Variants in NIPBL observed in about 807,000 individuals in gnomAD.
The protein encoded by NIPBL is nipped-B-like protein.
NIPBL carries 19 observed loss-of-function variants against 321.8 expected under a neutral mutation model. The ratio of observed to expected loss-of-function variants is 0.06; its 90% CI spans 0.04 to 0.09. The LOEUF is 0.09. NIPBL is among the 10% of genes least tolerant of loss of function. NIPBL has a pLI of 1.00. For missense variants in NIPBL, 2,210 were observed against 3,327.0 expected, an observed-to-expected ratio of 0.66 and a Z score of 8.26; for synonymous variants, 1,106 against 1,114.1, an observed-to-expected ratio of 0.99 and a Z score of 0.14.
intron 1 of NIPBL, among the ~76,000 whole-genome samples, chr5:36,887,511 C>T (rs1352683050): frequency 6.6e-6 from 1 of 152,182 alleles, no homozygotes; most frequent in African/African-American, 2.4e-5. Flanking sequence ...TCGACCACCT[C>T]TCCCCCGACC....
chr5:36,927,032 C>T (rs1044076987), intron 1 of NIPBL, among the ~76,000 whole-genome samples: 7 of 152,080 alleles, frequency 4.6e-5, no homozygotes, highest in Admixed American at 2.6e-4. Flanking sequence ...GTTTTGTTGA[C>T]GTTAGAACTA....
chr5:37,055,655 A>G (rs1216621950), intron 42 of NIPBL, among the ~76,000 whole-genome samples: 1 of 152,036 alleles, frequency 6.6e-6, no homozygotes, highest in East Asian at 1.9e-4. Context: ...GAAGTGAAAA[A>G]TAGAGTAGAA....
intron 36 of NIPBL, 81 bp downstream of exon 36, chr5:37,044,810 G>GATATA: frequency 1.0e-6 from 1 of 967,506 alleles, no homozygotes. Flanking sequence ...TTTGATAAAA[G>GATATA]GCTAGACTCG....
Position 36,958,135 on chromosome 5 carries a change from C to G in NIPBL, c.262C>G (p.Pro88Ala). 2 of 1,613,938 alleles carry G rather than the reference C, an allele frequency of 1.2e-6. No homozygotes were observed. The highest frequency in any genetic ancestry group is 8.5e-7 in the Non-Finnish European group (1 of 1,179,904). Reference protein sequence around the residue: ...ELKDNLGSDDPEGDIPVLLQA... With the variant: ...ELKDNLGSDDAEGDIPVLLQA... ...GAAAGATAACCTTGGCAGTGATGACCCAGAAGGTGACATACCAGTCTTGTT... is the reference window on the plus strand; with the variant it reads ...GAAAGATAACCTTGGCAGTGATGACGCAGAAGGTGACATACCAGTCTTGTT... Residue 88 changes from proline to alanine, a missense_variant, in exon 4 of 47, where the codon CCA becomes GCA. By Grantham distance (27) the Pro-to-Ala change is conservative. This residue lies in a region of NIPBL where 464 missense variants were observed against 529.5 expected (regional missense o/e 0.88). Transcript: ENST00000282516.
At chr5:36,995,435 A>G (rs1230639779) in intron 10 of NIPBL, 187 bp from the exon 11 acceptor site, 1 of 538,428 alleles carries the variant, frequency 1.9e-6, no homozygotes, top group African/African-American at 1.9e-5. Flanking sequence ...ATATGTATAT[A>G]TGTACACATA....
chr5:36,903,446 T>C (rs1334290699), intron 1 of NIPBL, among the ~76,000 whole-genome samples: 1 of 152,150 alleles, frequency 6.6e-6, no homozygotes. Context: ...CTTTTTAAAC[T>C]TTAATATATT....
In NIPBL at chr5:36,885,967, A is replaced by G. The variant is rs1745872460; in HGVS notation, c.-80+8789A>G. The G allele has an allele frequency of 1.2e-5, 9 of 730,756 alleles. No homozygotes were observed. The South Asian group carries it at 1.2e-4, about 10-fold the overall frequency. 45.3% of individuals were successfully genotyped at this position (730,756 alleles called of 1,614,324 possible). On this transcript the variant is annotated intron_variant, in intron 1 of 46. Transcript: ENST00000282516. ...AGATCATGGCAGACATACAGGCCCA[A>G]TACGACGAGCTAGCTCAGAAGAACC... is the stretch of plus-strand genomic sequence containing the variant.
At chr5:36,898,254 A>C (rs538415628) in intron 1 of NIPBL, among the ~76,000 whole-genome samples, 1 of 152,312 alleles carries the variant, frequency 6.6e-6, no homozygotes, top group East Asian at 1.9e-4. Flanking sequence ...ATCCTCTATT[A>C]TCATTAATAT....
rs780026320 is a variant in NIPBL, at chr5:36,962,195, A to G, written c.531A>G (p.Pro177=). 16 of 1,614,036 alleles carry G rather than the reference A, an allele frequency of 9.9e-6. No individual in the cohort carries two copies. Among genetic ancestry groups the G allele is most frequent in the South Asian group, 2.2e-5 (2 of 91,090 alleles). ...AGCAAAATAGCCCAGTGCCTAGTCC[A>G]TACGCCCCACAAAGCCCTGCAGGAT... ...MPQQNSPVPS[P]YAPQSPAGYM... Residue 177 remains proline, a synonymous_variant, in exon 6 of 47, where the codon CCA becomes CCG. Transcript: ENST00000282516.
Position 37,013,192 on chromosome 5 carries a change from G to A in NIPBL, c.4561-1491G>A, listed in dbSNP as rs1373452431. On this transcript the variant is annotated intron_variant, in intron 21 of 46. Transcript: ENST00000282516. Reference sequence around the variant, plus strand: ...GGGCTGACCCCCCCACCTCCCTCCCGGACGGGGCGGCTGGCCGGGCAGAGG... The same window carrying A: ...GGGCTGACCCCCCCACCTCCCTCCCAGACGGGGCGGCTGGCCGGGCAGAGG... Among the ~76,000 whole-genome samples, 10 of 150,856 alleles carry A rather than the reference G, an allele frequency of 6.6e-5. No individual in the cohort carries two copies. The South Asian group carries it at 8.4e-4, about 13-fold the overall frequency.
In NIPBL at chr5:36,961,678, T is replaced by G. The variant is rs1361516584; in HGVS notation, c.458+95T>G. 3.4e-6 allele frequency: 3 copies of G among 882,036 alleles called. No homozygotes were observed. In the African/African-American group the frequency reaches 5.0e-5, roughly 15 times the overall value. 54.6% of individuals were successfully genotyped at this position (882,036 alleles called of 1,614,324 possible). On this transcript the variant is annotated intron_variant, in intron 5 of 46. Transcript: ENST00000282516. Reference sequence around the variant, plus strand: ...ATACATTTAGGTAATGGTGGATTATTTAGAGTTTAAATAGTTGAAATACTT... The same window carrying G: ...ATACATTTAGGTAATGGTGGATTATGTAGAGTTTAAATAGTTGAAATACTT...
At position 36,985,595 on chromosome 5, in the gene NIPBL, T is replaced by C. The variant is rs1258895789; in HGVS notation, c.2415T>C (p.Pro805=). The C allele has an allele frequency of 6.2e-7, 1 of 1,613,930 alleles. No individual in the cohort carries two copies. The highest frequency in any genetic ancestry group is 1.7e-5 in the Admixed American group (1 of 59,912). ...SERAEALKQR[P]DGRSVSESLR... ...GAGCTGAAGCCTTAAAGCAGAGACCTGATGGGCGATCTGTTTCTGAGTCAC... is the reference window on the plus strand; with the variant it reads ...GAGCTGAAGCCTTAAAGCAGAGACCCGATGGGCGATCTGTTTCTGAGTCAC... The change falls in exon 10 of 47, where the codon CCT becomes CCC. Residue 805 remains proline, a synonymous_variant. Transcript: ENST00000282516.
intron 3 of NIPBL, among the ~76,000 whole-genome samples, chr5:36,956,299 A>G (rs1037452517): frequency 6.6e-6 from 1 of 152,150 alleles, no homozygotes; most frequent in African/African-American, 2.4e-5. Flanking sequence ...AAATGTGTAA[A>G]AAGTAAAATC....
chr5:36,954,495 C>T (rs1005211753), intron 2 of NIPBL, among the ~76,000 whole-genome samples: 1 of 152,126 alleles, frequency 6.6e-6, no homozygotes, highest in Non-Finnish European at 1.5e-5. Flanking sequence ...ATTGGGTCAG[C>T]ATTACTCAGG....
rs1329901658 is a variant in NIPBL, at chr5:37,033,558, A to AT, written c.5863-2819dup. 7.6e-5 allele frequency among the ~76,000 whole-genome samples: 7 copies of AT among 92,004 alleles called. 1 individual carries two copies. Among genetic ancestry groups the AT allele is most frequent in the African/African-American group, 5.4e-4 (6 of 11,188 alleles). 60.4% of individuals were successfully genotyped at this position (92,004 alleles called of 152,430 possible). ...TTGGGATATTTGACTGTCCATAAGA[A>AT]TTAAAAAAAAAAGATTCCTACTTCA... On this transcript the variant is annotated intron_variant, in intron 32 of 46. Transcript: ENST00000282516.
chr5:37,002,270 TATAA>T (rs1382843577), intron 14 of NIPBL, among the ~76,000 whole-genome samples: 1 of 152,070 alleles, frequency 6.6e-6, no homozygotes, highest in East Asian at 1.9e-4. Flanking sequence ...GAGTAAGAGA[TATAA>T]ATACTTTGAC....
chr5:36,882,941 A>G (rs1186750116), intron 1 of NIPBL, among the ~76,000 whole-genome samples: 3 of 151,716 alleles, frequency 2.0e-5, no homozygotes, highest in Admixed American at 6.6e-5. Context: ...AAATGTTTGT[A>G]TATTCAAATA....
chr5:36,908,819 C>G (rs1419088224), intron 1 of NIPBL, among the ~76,000 whole-genome samples: 1 of 152,132 alleles, frequency 6.6e-6, no homozygotes, highest in African/African-American at 2.4e-5. Context: ...CAGAAGTAAT[C>G]GGTCAGGTGC....
chr5:37,054,446 T>C (rs1753892395), intron 42 of NIPBL, among the ~76,000 whole-genome samples: 1 of 152,200 alleles, frequency 6.6e-6, no homozygotes, highest in Non-Finnish European at 1.5e-5. Context: ...TGAAAGGATT[T>C]TCCCTCCAGC....
Sources: gnomAD v4.1 joint callset for allele counts (sites outside exome capture counted in the v4.1 genomes callset) on GRCh38, gnomAD v4.1.1 for gene constraint, gnomAD v4.1.1 regional missense constraint, MANE v1.5 for transcripts, NCBI Gene and HGNC (gene_info 2026-07-23, HGNC 2026-07-21) for gene names.